Variants in NPTN observed in about 807,000 individuals in gnomAD.
NPTN encodes neuroplastin, also known as SDR-1.
Under a neutral mutation model 42.7 loss-of-function variants are expected in NPTN, and 5 were observed. The observed-to-expected ratio is 0.12, with a 90% confidence interval of 0.06 to 0.25. The LOEUF (loss-of-function observed/expected upper bound fraction) is 0.25. Among genes scored for constraint, NPTN ranks in the 10% least tolerant of loss-of-function variants. NPTN has a pLI of 1.00. For synonymous variants in NPTN, 180 were observed against 201.9 expected, an observed-to-expected ratio of 0.89 and a Z score of 0.92; for missense variants, 307 against 525.4, an observed-to-expected ratio of 0.58 and a Z score of 4.06.
In NPTN at chr15:73,570,501, G is replaced by C; in HGVS notation, c.841-78C>G. The C allele has an allele frequency of 7.5e-7, 1 of 1,342,056 alleles. No homozygotes were observed. The highest frequency in any genetic ancestry group is 1.3e-5 in the South Asian group (1 of 74,238). 83.1% of individuals were successfully genotyped at this position (1,342,056 alleles called of 1,614,324 possible). On this transcript the variant is annotated intron_variant, in intron 5 of 8. Coordinates refer to ENST00000345330, the MANE Select transcript of NPTN (RefSeq NM_012428.4). The surrounding 1 kb of genome is among the most constrained non-coding windows in gnomAD (Gnocchi z 4.0). Reference sequence around the variant, plus strand: ...TCAAGAGAGGGTGACACTGCTCTCCGTTCTTTTTAGGCACCAGCCAGAATG... The same window carrying C: ...TCAAGAGAGGGTGACACTGCTCTCCCTTCTTTTTAGGCACCAGCCAGAATG...
At chr15:73,594,968 A>AAGCAGC (rs922725752) in intron 2 of NPTN, among the ~76,000 whole-genome samples, 1 of 151,910 alleles carries the variant, frequency 6.6e-6, no homozygotes, top group Admixed American at 6.6e-5. Flanking sequence ...AAAAAAAAAA[A>AAGCAGC]AGCAGCAGCA....
intron 3 of NPTN, among the ~76,000 whole-genome samples, chr15:73,588,132 C>T (rs1896410129): frequency 1.3e-5 from 2 of 152,020 alleles, no homozygotes; most frequent in Admixed American, 6.6e-5. Context: ...CCCAGCTACT[C>T]GGGAGGCTGA....
At chr15:73,585,877 T>C (rs1896295618) in intron 4 of NPTN, among the ~76,000 whole-genome samples, 2 of 152,212 alleles carry the variant, frequency 1.3e-5, no homozygotes, top group South Asian at 2.1e-4. Flanking sequence ...AAAATACTCC[T>C]GGCCTACAGC....
At chr15:73,563,147 T>C in intron 7 of NPTN, 89 bp downstream of exon 7, 1 of 955,916 alleles carries the variant, frequency 1.0e-6, no homozygotes, top group Non-Finnish European at 1.7e-6. Context: ...TGTCTTCCCC[T>C]CCAATCTTAG....
At position 73,560,542 on chromosome 15, in the gene NPTN, CA is replaced by C. The variant is rs1894600771; in HGVS notation, c.*520del. On this transcript the variant is annotated 3_prime_UTR_variant, in exon 9 of 9. Coordinates refer to ENST00000345330, the MANE Select transcript of NPTN (RefSeq NM_012428.4). ...CACAATTTCCTCATCTGACAACATA[CA>C]ATAAGGAATGAATATCAGCAGCTTA... 1 of 151,846 alleles carries C rather than the reference CA, an allele frequency of 6.6e-6. No individual in the cohort carries two copies. The highest frequency in any genetic ancestry group is 1.5e-5 in the Non-Finnish European group (1 of 67,898). 9.4% of individuals were successfully genotyped at this position (151,846 alleles called of 1,614,324 possible).
At chr15:73,592,225 A>C in intron 2 of NPTN, 88 bp from the exon 3 acceptor site, 1 of 1,157,384 alleles carries the variant, frequency 8.6e-7, no homozygotes, top group Non-Finnish European at 1.2e-6. Flanking sequence ...AGGAGGGGGA[A>C]ACTAGAAAAA....
intron 6 of NPTN, chr15:73,566,931 A>AT: frequency 2.7e-6 from 2 of 729,908 alleles, no homozygotes; most frequent in Non-Finnish European, 3.3e-6. Context: ...GACTAAAGGA[A>AT]TGCAGGTGGG....
At chr15:73,594,968 A>AAGC (rs922725752) in intron 2 of NPTN, among the ~76,000 whole-genome samples, 7 of 152,026 alleles carry the variant, frequency 4.6e-5, no homozygotes, top group Admixed American at 2.0e-4. Context: ...AAAAAAAAAA[A>AAGC]AGCAGCAGCA....
chr15:73,590,293 G>C (rs1480265665), intron 3 of NPTN, among the ~76,000 whole-genome samples: 2 of 152,088 alleles, frequency 1.3e-5, no homozygotes, highest in Admixed American at 6.5e-5. Context: ...AAAAACTCTA[G>C]AGATACACAA....
At chr15:73,580,440 TAA>T (rs1491249039) in intron 4 of NPTN, among the ~76,000 whole-genome samples, 42 of 74,642 alleles carry the variant, frequency 5.6e-4, no homozygotes, top group Non-Finnish European at 6.7e-4. Context: ...ATAATATATA[TAA>T]TATATATGTA....
intron 3 of NPTN, 66 bp from the exon 4 acceptor site, chr15:73,587,684 G>T: frequency 8.6e-7 from 1 of 1,164,328 alleles, no homozygotes; most frequent in Non-Finnish European, 1.3e-6. Context: ...AACAGAAGGA[G>T]AATCAAAGGG....
intron 1 of NPTN, among the ~76,000 whole-genome samples, chr15:73,614,651 T>G (rs569128594): frequency 1.3e-5 from 2 of 152,312 alleles, no homozygotes; most frequent in East Asian, 3.9e-4. Flanking sequence ...ACTCAATATT[T>G]GTTAAAAGAA....
In NPTN at chr15:73,562,006, C is replaced by T. The variant is rs1440992571; in HGVS notation, c.1137-36G>A. The T allele has an allele frequency of 2.1e-6, 3 of 1,458,938 alleles. No individual in the cohort carries two copies. The African/African-American group carries it at 4.3e-5, about 21-fold the overall frequency. 90.4% of individuals were successfully genotyped at this position (1,458,938 alleles called of 1,614,324 possible). A position where few individuals can be genotyped will look rare whatever the true frequency, so the allele number is the denominator to read the frequency against. On this transcript the variant is annotated intron_variant, in intron 7 of 8. Coordinates refer to ENST00000345330, the MANE Select transcript of NPTN (RefSeq NM_012428.4). ...AAAATTGCATTACATGAGTTAAACT[C>T]AGTCAATAACTTTTCAAAGTATAAC... is the stretch of plus-strand genomic sequence containing the variant.
At chr15:73,609,832 C>T (rs2141448880) in intron 1 of NPTN, among the ~76,000 whole-genome samples, 1 of 152,114 alleles carries the variant, frequency 6.6e-6, no homozygotes, top group Middle Eastern at 3.4e-3. Context: ...AATATATATA[C>T]AATGTGTAAT....
chr15:73,581,014 T>C (rs557444223), intron 4 of NPTN, among the ~76,000 whole-genome samples: 2 of 152,220 alleles, frequency 1.3e-5, no homozygotes, highest in East Asian at 1.9e-4. Flanking sequence ...TAGAACATGG[T>C]TGGAACTCAG....
chr15:73,633,132 A>G lies in NPTN; in HGVS notation c.84T>C (p.Ala28=). Residue 28 remains alanine (A), a synonymous_variant, in exon 1 of 9, where the codon GCT becomes GCC. Coordinates refer to ENST00000345330, the MANE Select transcript of NPTN (RefSeq NM_012428.4). The part of the protein sequence containing the change: ...SGSLLPGPGA[A]QNAGFVKSPM... ...CCCCGGCGCCCCGCTTACCGTTCTGAGCGGCGCCTGGCCCTGGGAGGAGGG... is the reference window on the plus strand; with the variant it reads ...CCCCGGCGCCCCGCTTACCGTTCTGGGCGGCGCCTGGCCCTGGGAGGAGGG... 1 of 1,489,310 alleles carries G rather than the reference A, an allele frequency of 6.7e-7. No individual in the cohort carries two copies. Among genetic ancestry groups the G allele is most frequent in the South Asian group, 1.3e-5 (1 of 74,390 alleles). The allele number at this position is 1,489,310 out of a possible 1,614,324, so 92.3% of individuals were successfully genotyped here.
intron 6 of NPTN, among the ~76,000 whole-genome samples, chr15:73,566,036 A>AT (rs953751843): frequency 6.6e-6 from 1 of 152,206 alleles, no homozygotes; most frequent in African/African-American, 2.4e-5. Context: ...ATCCACTTAA[A>AT]TTTTGCCTGA....
intron 1 of NPTN, among the ~76,000 whole-genome samples, chr15:73,601,804 T>C (rs1206111526): frequency 2.0e-5 from 3 of 152,186 alleles, no homozygotes; most frequent in Non-Finnish European, 2.9e-5. Flanking sequence ...AGAGGGAAAC[T>C]GAACAGTGGT....
chr15:73,600,306 C>A (rs1230673477), intron 1 of NPTN, among the ~76,000 whole-genome samples: 1 of 139,644 alleles, frequency 7.2e-6, no homozygotes, highest in Non-Finnish European at 1.5e-5. Context: ...ATAAAAAACC[C>A]TTTAAAATGC....
Sources: allele counts gnomAD v4.1 joint callset (sites outside exome capture counted in the v4.1 genomes callset), GRCh38; gene constraint gnomAD v4.1.1; non-coding constraint Gnocchi (gnomAD v3.1); transcripts MANE v1.5; gene names NCBI Gene and HGNC (gene_info 2026-07-23, HGNC 2026-07-21).